The following LIPI variants were observed in gnomAD, a reference collection of about 807,000 sequenced individuals.
LIPI encodes lipase member I.
In LIPI, 59 loss-of-function variants were observed where a neutral mutation model predicts 50.6. The ratio of observed to expected loss-of-function variants is 1.16; its 90% CI spans 0.94 to 1.45. The LOEUF is 1.45. LIPI is among the 40% of genes most tolerant of loss of function. The pLI is 0.00. For missense variants in LIPI, 586 were observed against 536.3 expected (o/e 1.09, Z -0.92); for synonymous variants, 203 against 178.2 (o/e 1.14, Z -1.11).
intron 4 of LIPI, 67 bp downstream of exon 4, chr21:14,181,691 T>C (rs2019274846): frequency 1.1e-6 from 1 of 907,782 alleles, no homozygotes; most frequent in Admixed American, 1.8e-5. Flanking sequence ...TATGCCCTCC[T>C]CTTGCCCAAG....
rs552275587 is a variant in LIPI, at chr21:14,119,014, C to T, written c.1296-9934G>A. Among the ~76,000 whole-genome samples the T allele has an allele frequency of 1.4e-4, 21 of 152,304 alleles. No homozygotes were observed. In the South Asian group the frequency reaches 3.5e-3, roughly 26 times the overall value. On this transcript the variant is annotated intron_variant, in intron 9 of 9. Transcript: ENST00000681601. ...TGCATGCTATTGTGCCTAACCTGTA[C>T]GCTATGCTTGCACAAATACCTGCTA...
chr21:14,154,916 A>G (rs959927672), intron 7 of LIPI, among the ~76,000 whole-genome samples: 1 of 152,070 alleles, frequency 6.6e-6, no homozygotes, highest in African/African-American at 2.4e-5. Context: ...AAAATTGCCC[A>G]TAATACCAAG....
chr21:14,111,261 G>C (rs1243011195), intron 9 of LIPI, among the ~76,000 whole-genome samples: 1 of 151,566 alleles, frequency 6.6e-6, no homozygotes, highest in Non-Finnish European at 1.5e-5. Flanking sequence ...TATAACTTTT[G>C]TCTTTATGGT....
chr21:14,207,188 T>C (rs985184027), intron 1 of LIPI, among the ~76,000 whole-genome samples: 1 of 152,120 alleles, frequency 6.6e-6, no homozygotes. Context: ...AAAACACACA[T>C]TTAGAAAGAA....
chr21:14,145,592 A>G (rs145481401), intron 8 of LIPI, among the ~76,000 whole-genome samples: 198 of 152,240 alleles, frequency 1.3e-3, no homozygotes, highest in African/African-American at 4.6e-3. Flanking sequence ...AAGGAGAAGG[A>G]GGAAGAAGAG....
At chr21:14,130,489 A>T (rs912175095) in intron 9 of LIPI, among the ~76,000 whole-genome samples, 10 of 152,284 alleles carry the variant, frequency 6.6e-5, no homozygotes, top group Non-Finnish European at 1.5e-4. Context: ...TATATCTAGG[A>T]TAATACCCAC....
intron 9 of LIPI, among the ~76,000 whole-genome samples, chr21:14,135,597 A>T (rs1206702198): frequency 6.6e-6 from 1 of 152,168 alleles, no homozygotes; most frequent in African/African-American, 2.4e-5. Context: ...CAGCCCACGG[A>T]GGGAGTATTT....
At chr21:14,210,025 T>C (rs2020323897) in intron 1 of LIPI, among the ~76,000 whole-genome samples, 1 of 152,032 alleles carries the variant, frequency 6.6e-6, no homozygotes, top group Non-Finnish European at 1.5e-5. Context: ...AATGGTAATT[T>C]CTAGTTAATT....
rs368826576 is a variant in LIPI at position 14,181,798 on chromosome 21, C to T, written c.603G>A (p.Thr201=). 1.5e-4 allele frequency: 244 copies of T among 1,612,128 alleles called. 1 individual carries two copies. Among genetic ancestry groups the T allele is most frequent in the Non-Finnish European group, 1.9e-4 (224 of 1,178,712 alleles). The change falls in exon 4 of 10, where the codon ACG becomes ACA. Residue 201 remains threonine, a synonymous_variant. Coordinates refer to ENST00000681601, the MANE Select transcript of LIPI (RefSeq NM_001302998.2). ...GGATGACATCCACAAACTTTGCATC[C>T]GTGTAATCTAATCTGCTATATGGTG... ...RKPPYSRLDY[T]DAKFVDVIHS...
At chr21:14,115,313 AATGTAAAAGACTG>A (rs1489463406) in intron 9 of LIPI, among the ~76,000 whole-genome samples, 1 of 152,162 alleles carries the variant, frequency 6.6e-6, no homozygotes, top group Non-Finnish European at 1.5e-5. Context: ...AGCATAAATA[AATGTAAAAGACTG>A]ATCAACTGCC....
intron 6 of LIPI, among the ~76,000 whole-genome samples, chr21:14,164,683 T>G (rs2123154132): frequency 6.6e-6 from 1 of 152,312 alleles, no homozygotes; most frequent in South Asian, 2.1e-4. Context: ...TGTGGATTTT[T>G]TTCTCTATAA....
intron 9 of LIPI, among the ~76,000 whole-genome samples, chr21:14,127,320 C>T (rs35361734): frequency 0.14 from 20,877 of 152,164 alleles, 1,888 homozygotes; most frequent in South Asian, 0.21. Flanking sequence ...ATGGTTTCAG[C>T]AATTACCTAG....
Position 14,181,780 on chromosome 21 carries a change from A to T in LIPI, c.621T>A (p.Asp207Glu). The change falls in exon 4 of 10, where the codon GAT (aspartate) becomes GAA (glutamate). Residue 207 changes from aspartate to glutamate, a missense_variant. By Grantham distance (45) the Asp-to-Glu change is conservative. Coordinates refer to ENST00000681601, the MANE Select transcript of LIPI (RefSeq NM_001302998.2). Reference protein sequence around the residue: ...RLDYTDAKFVDVIHSDSNGLG... With the variant: ...RLDYTDAKFVEVIHSDSNGLG... ...TACCATTGGAGTCAGAATGGATGAC[A>T]TCCACAAACTTTGCATCCGTGTAAT... 1 of 1,608,518 alleles carries T rather than the reference A, an allele frequency of 6.2e-7. No homozygotes were observed. Among genetic ancestry groups the T allele is most frequent in the Non-Finnish European group, 8.5e-7 (1 of 1,175,252 alleles).
chr21:14,129,820 A>C (rs1473286656), intron 9 of LIPI, among the ~76,000 whole-genome samples: 1 of 148,848 alleles, frequency 6.7e-6, no homozygotes, highest in African/African-American at 2.5e-5. Flanking sequence ...AAAAAAAAAA[A>C]AAGCTTATTT....
intron 4 of LIPI, among the ~76,000 whole-genome samples, chr21:14,170,428 C>T (rs2018853955): frequency 6.6e-6 from 1 of 152,202 alleles, no homozygotes; most frequent in Admixed American, 6.5e-5. Context: ...GAATTTTAGA[C>T]CAATATCCTT....
chr21:14,207,508 T>C (rs1218025500), intron 1 of LIPI, among the ~76,000 whole-genome samples: 1 of 152,084 alleles, frequency 6.6e-6, no homozygotes, highest in African/African-American at 2.4e-5. Context: ...CTGCTGAAAA[T>C]GAATCTGACT....
At chr21:14,140,676 A>G (rs1351464732) in intron 9 of LIPI, among the ~76,000 whole-genome samples, 1 of 151,972 alleles carries the variant, frequency 6.6e-6, no homozygotes, top group African/African-American at 2.4e-5. Context: ...AGTCTTTTTC[A>G]CTTGTCATTT....
At chr21:14,116,932 T>C (rs1412624234) in intron 9 of LIPI, among the ~76,000 whole-genome samples, 1 of 152,188 alleles carries the variant, frequency 6.6e-6, no homozygotes, top group Non-Finnish European at 1.5e-5. Context: ...CCTTATGTTC[T>C]AATTTATCCA....
chr21:14,181,639 T>C, intron 4 of LIPI, 119 bp downstream of exon 4: 1 of 664,930 alleles, frequency 1.5e-6, no homozygotes, highest in Non-Finnish European at 2.7e-6. Flanking sequence ...CATTCTATAA[T>C]TACAGATTTA....
Sources: allele counts gnomAD v4.1 joint callset (sites outside exome capture counted in the v4.1 genomes callset), GRCh38; gene constraint gnomAD v4.1.1; transcripts MANE v1.5; gene names NCBI Gene and HGNC (gene_info 2026-07-23, HGNC 2026-07-21).